Variants in TMEM184B observed in about 807,000 individuals in gnomAD.
TMEM184B encodes putative MAPK-activating protein FM08.
Under a neutral mutation model 41.8 loss-of-function variants are expected in TMEM184B, and 17 were observed. The observed-to-expected ratio is 0.41, with a 90% CI of 0.28 to 0.61. The LOEUF (loss-of-function observed/expected upper bound fraction) is 0.61. TMEM184B is among the 20% of genes least tolerant of loss of function. TMEM184B has a pLI of 0.34. For synonymous variants in TMEM184B, 240 were observed against 229.5 expected (o/e 1.05, Z -0.41); for missense variants, 393 against 557.8 (o/e 0.70, Z 2.98).
At chr22:38,266,571 A>G (rs2092446717) in intron 1 of TMEM184B, among the ~76,000 whole-genome samples, 2 of 152,224 alleles carry the variant, frequency 1.3e-5, no homozygotes, top group South Asian at 2.1e-4. Context: ...AAAGCGCAAG[A>G]GCTGTTTTAG....
downstream of TMEM184B, among the ~76,000 whole-genome samples, chr22:38,217,995 TTCCCTGGGCA>T (rs1276409040): frequency 1.3e-5 from 2 of 152,158 alleles, no homozygotes; most frequent in Non-Finnish European, 2.9e-5. Context: ...TAGGGTTAAA[TTCCCTGGGCA>T]TCCCTTTAGT....
chr22:38,268,178 C>T (rs935621813), intron 1 of TMEM184B, among the ~76,000 whole-genome samples: 2 of 151,912 alleles, frequency 1.3e-5, no homozygotes, highest in South Asian at 2.1e-4. Flanking sequence ...GTCAGGAGTT[C>T]GAGACCAGCT....
chr22:38,217,830 C>CAAAAAAAAAAAAAAAAAA (rs374397588), downstream of TMEM184B, among the ~76,000 whole-genome samples: 1 of 87,860 alleles, frequency 1.1e-5, no homozygotes, highest in Admixed American at 1.4e-4. Flanking sequence ...GACTCCATCT[C>CAAAAAAAAAAAAAAAAAA]AAAAAAAAAA....
chr22:38,256,976 A>AGTT (rs2092290181), intron 1 of TMEM184B, among the ~76,000 whole-genome samples: 1 of 138,600 alleles, frequency 7.2e-6, no homozygotes, highest in African/African-American at 3.0e-5. Flanking sequence ...GGACATTAAT[A>AGTT]GTTTTTTTTT....
intron 5 of TMEM184B, among the ~76,000 whole-genome samples, chr22:38,229,279 A>G (rs549548368): frequency 3.3e-5 from 5 of 152,270 alleles, no homozygotes; most frequent in Admixed American, 6.5e-5. Context: ...ACGCAAGGTC[A>G]TGAAGAGTGG....
intron 1 of TMEM184B, among the ~76,000 whole-genome samples, chr22:38,270,313 C>T (rs1171405221): frequency 6.6e-6 from 1 of 152,234 alleles, no homozygotes; most frequent in Non-Finnish European, 1.5e-5. Context: ...AGCTGTTCCA[C>T]TCTCTGCTGC....
Position 38,271,109 on chromosome 22 carries a change from TG to T in TMEM184B, c.-59+1774del, listed in dbSNP as rs564936592. Among the ~76,000 whole-genome samples, 3 of 152,260 alleles carry T rather than the reference TG, an allele frequency of 2.0e-5. No homozygotes were observed. The South Asian group carries it at 6.2e-4, about 32-fold the overall frequency. On this transcript the variant is annotated intron_variant, in intron 1 of 8. Transcript: ENST00000361906. ...TCCAGAATCCCAACGACTGCACAAA[TG>T]CTTTGGGGGAATTCACAGCGCCTTC... is the stretch of plus-strand genomic sequence containing the variant.
At chr22:38,240,051 C>T (rs2091869592) in intron 3 of TMEM184B, among the ~76,000 whole-genome samples, 1 of 152,004 alleles carries the variant, frequency 6.6e-6, no homozygotes, top group African/African-American at 2.4e-5. Context: ...AACTCCTGGG[C>T]TCAAGCCATC....
intron 1 of TMEM184B, among the ~76,000 whole-genome samples, chr22:38,259,294 A>G (rs566091769): frequency 3.3e-5 from 5 of 152,306 alleles, no homozygotes; most frequent in African/African-American, 1.2e-4. Flanking sequence ...TGGTAGGCTG[A>G]AGAATAATCC....
rs1036499796 is a variant in TMEM184B, at chr22:38,246,889, G to C, written c.193-789C>G. 2.3e-6 allele frequency: 3 copies of C among 1,301,444 alleles called. No homozygotes were observed. The East Asian group carries it at 1.7e-4, about 73-fold the overall frequency. 80.6% of individuals were successfully genotyped at this position (1,301,444 alleles called of 1,614,324 possible). A position where few individuals can be genotyped will look rare whatever the true frequency, so the allele number is the denominator to read the frequency against. ...CTTGGCCCAGCCGAGCCCTGGGCTG[G>C]GGAGGAAAAGAACAAAATATTCTCC... is the stretch of plus-strand genomic sequence containing the variant. On this transcript the variant is annotated intron_variant, in intron 2 of 8. Transcript: ENST00000361906.
intron 3 of TMEM184B, among the ~76,000 whole-genome samples, chr22:38,240,426 A>G (rs1316039259): frequency 6.6e-6 from 1 of 152,152 alleles, no homozygotes; most frequent in African/African-American, 2.4e-5. Flanking sequence ...AAACAAAACA[A>G]AGTTCATGGA....
Position 38,220,466 on chromosome 22 carries a change from A to T in TMEM184B, c.*1003T>A, listed in dbSNP as rs1486088910. 3.0e-6 allele frequency: 3 copies of T among 985,700 alleles called. No individual in the cohort carries two copies. The highest frequency in any genetic ancestry group is 3.6e-6 in the Non-Finnish European group (3 of 829,990). 61.1% of individuals were successfully genotyped at this position (985,700 alleles called of 1,614,324 possible). ...GGGGCCCCGAGAGGAGTCTGGGACC[A>T]TTCCCCCCACCTCCCAGCTCCCCAC... On this transcript the variant is annotated 3_prime_UTR_variant, in exon 9 of 9. Coordinates refer to ENST00000361906, the MANE Select transcript of TMEM184B (RefSeq NM_012264.5).
At chr22:38,227,647 G>A (rs571349263) in intron 5 of TMEM184B, among the ~76,000 whole-genome samples, 1 of 152,276 alleles carries the variant, frequency 6.6e-6, no homozygotes, top group Admixed American at 6.5e-5. Flanking sequence ...ATCTGAGTTT[G>A]AACTCTGGGG....
At chr22:38,252,844 T>C (rs2092197096) in intron 1 of TMEM184B, among the ~76,000 whole-genome samples, 1 of 152,148 alleles carries the variant, frequency 6.6e-6, no homozygotes, top group Non-Finnish European at 1.5e-5. Context: ...AGAAGTCCCA[T>C]TAATAAATGG....
In TMEM184B at chr22:38,252,706, C is replaced by T. The variant is rs143687852; in HGVS notation, c.-58-4687G>A. ...ACATAACCAGGCTTCTGCTGTGAGT[C>T]ACCCTACAGGACTCCCACTAGACTC... On this transcript the variant is annotated intron_variant, in intron 1 of 8. Transcript: ENST00000361906. Among the ~76,000 whole-genome samples the T allele has an allele frequency of 6.6e-4, 101 of 152,298 alleles. 1 individual carries two copies. In the East Asian group the frequency reaches 0.018, roughly 28 times the overall value.
intron 1 of TMEM184B, among the ~76,000 whole-genome samples, chr22:38,256,985 T>G (rs1362377539): frequency 6.7e-6 from 1 of 150,016 alleles, no homozygotes; most frequent in East Asian, 1.9e-4. Flanking sequence ...TAGTTTTTTT[T>G]TTTTTTTTTT....
chr22:38,272,741 T>C (rs1416555746), intron 1 of TMEM184B, 143 bp downstream of exon 1: 1 of 984,998 alleles, frequency 1.0e-6, no homozygotes, highest in Non-Finnish European at 1.2e-6. Flanking sequence ...CGCACCGGCC[T>C]CCGTAGTGCC....
chr22:38,269,381 T>C (rs1371438312), intron 1 of TMEM184B, among the ~76,000 whole-genome samples: 2 of 152,144 alleles, frequency 1.3e-5, no homozygotes, highest in Non-Finnish European at 2.9e-5. Flanking sequence ...CCACCATGCC[T>C]GGCAAATTTT....
intron 1 of TMEM184B, among the ~76,000 whole-genome samples, chr22:38,263,283 C>A (rs1282317648): frequency 6.6e-6 from 1 of 152,200 alleles, no homozygotes; most frequent in Non-Finnish European, 1.5e-5. Flanking sequence ...AACAAGCAAT[C>A]TCCCATGACC....
Sources: allele counts gnomAD v4.1 joint callset (sites outside exome capture counted in the v4.1 genomes callset), GRCh38; gene constraint gnomAD v4.1.1; transcripts MANE v1.5; gene names NCBI Gene and HGNC (gene_info 2026-07-23, HGNC 2026-07-21).